Variants in LUZP1 observed in about 807,000 individuals in gnomAD.
LUZP1 encodes filamin mechanobinding actin cross-linking protein.
Under a neutral mutation model 71.3 loss-of-function variants are expected in LUZP1, and 25 were observed. The ratio of observed to expected loss-of-function variants is 0.35; its 90% CI spans 0.26 to 0.49. The LOEUF (loss-of-function observed/expected upper bound fraction) is 0.49. Among genes scored for constraint, LUZP1 ranks in the 20% least tolerant of loss-of-function variants. The pLI is 0.99. For synonymous variants in LUZP1, 481 were observed against 506.4 expected, an observed-to-expected ratio of 0.95 and a Z score of 0.67; for missense variants, 1,142 against 1,300.8, an observed-to-expected ratio of 0.88 and a Z score of 1.88.
chr1:23,121,572 T>C (rs1007629898), intron 2 of LUZP1, among the ~76,000 whole-genome samples: 3 of 151,736 alleles, frequency 2.0e-5, no homozygotes, highest in South Asian at 2.1e-4. Context: ...AAAACAAAAT[T>C]AGTCAGGCGT....
At chr1:23,162,477 T>C (rs1005754301) in intron 2 of LUZP1, among the ~76,000 whole-genome samples, 10 of 151,758 alleles carry the variant, frequency 6.6e-5, no homozygotes, top group African/African-American at 2.2e-4. Context: ...CTCGCTCTGT[T>C]GCCCAGGCTG....
At chr1:23,145,470 T>C (rs963563681) in intron 2 of LUZP1, among the ~76,000 whole-genome samples, 46 of 144,456 alleles carry the variant, frequency 3.2e-4, no homozygotes, top group Admixed American at 2.8e-3. Context: ...ATTAATCTCT[T>C]TTTTTTTTTT....
intron 2 of LUZP1, among the ~76,000 whole-genome samples, chr1:23,146,099 C>T (rs190782826): frequency 6.2e-4 from 95 of 152,170 alleles, no homozygotes; most frequent in Middle Eastern, 3.4e-3. Context: ...GGTGCGATCT[C>T]GGCTCACTGC....
At position 23,093,385 on chromosome 1, in the gene LUZP1, G is replaced by C; in HGVS notation, c.877C>G (p.Gln293Glu). ...TGTGTCTTAAGTTTCTCAATCTCTT[G>C]GTTAAGGTCTTTGACTTTGTTGTCT... The change falls in exon 4 of 5, where the codon CAA (glutamine) becomes GAA (glutamate). Residue 293 changes from glutamine to glutamate, a missense_variant. By Grantham distance (29) the Gln-to-Glu change is conservative. Transcript: ENST00000302291. The surrounding 1 kb of genome is among the most constrained non-coding windows in gnomAD (Gnocchi z 4.2). The C allele has an allele frequency of 6.2e-7, 1 of 1,613,700 alleles. No individual in the cohort carries two copies. Among genetic ancestry groups the C allele is most frequent in the South Asian group, 1.1e-5 (1 of 90,912 alleles).
chr1:23,107,170 C>T (rs781764580), intron 3 of LUZP1, among the ~76,000 whole-genome samples: 62 of 152,182 alleles, frequency 4.1e-4, no homozygotes, highest in Admixed American at 4.6e-4. Context: ...TAGATCTTAG[C>T]TTAAAATATC....
At chr1:23,164,271 G>A (rs1006612948) in intron 2 of LUZP1, among the ~76,000 whole-genome samples, 2 of 152,126 alleles carry the variant, frequency 1.3e-5, no homozygotes, top group African/African-American at 4.8e-5. Context: ...CGAAGCGGGC[G>A]GATCACGAGG....
intron 2 of LUZP1, chr1:23,140,856 G>T (rs1286539448): frequency 6.6e-6 from 1 of 152,316 alleles, no homozygotes; most frequent in Non-Finnish European, 1.5e-5. Flanking sequence ...GGCCATGATG[G>T]AGCTCAGACC....
chr1:23,127,329 C>T (rs1644179753), intron 2 of LUZP1, among the ~76,000 whole-genome samples: 1 of 152,146 alleles, frequency 6.6e-6, no homozygotes, highest in African/African-American at 2.4e-5. Context: ...ACTTTAAATT[C>T]TTGGTTTTTT....
rs376849961 is a variant in LUZP1, at chr1:23,084,720, G to C, written c.*4175C>G. On this transcript the variant is annotated 3_prime_UTR_variant, in exon 5 of 5. Coordinates refer to ENST00000302291, the Ensembl canonical transcript of LUZP1. ...GGTGATCTGACTGGAAGATGAAAAC[G>C]GAGAAGGCTTTTCCCCCCCTAGTCT... The C allele has an allele frequency of 9.4e-5, 7 of 74,814 alleles. 1 individual carries two copies. Among genetic ancestry groups the C allele is most frequent in the African/African-American group, 2.0e-4 (5 of 25,366 alleles). The allele number at this position is 74,814 out of a possible 1,614,324, so 4.6% of individuals were successfully genotyped here. A position where few individuals can be genotyped will look rare whatever the true frequency, so the allele number is the denominator to read the frequency against.
intron 1 of LUZP1, among the ~76,000 whole-genome samples, chr1:23,176,718 G>A (rs947496261): frequency 1.3e-5 from 2 of 152,168 alleles, no homozygotes; most frequent in African/African-American, 4.8e-5. Context: ...TCAAGATCCA[G>A]TAGAAAGATC....
At chr1:23,100,448 C>G (rs908782653) in intron 3 of LUZP1, among the ~76,000 whole-genome samples, 2 of 152,180 alleles carry the variant, frequency 1.3e-5, no homozygotes, top group Non-Finnish European at 2.9e-5. Context: ...ATTCTCTCCC[C>G]CTGACCTGCT....
chr1:23,116,462 A>G (rs1644079799), intron 2 of LUZP1, among the ~76,000 whole-genome samples: 1 of 152,102 alleles, frequency 6.6e-6, no homozygotes, highest in Non-Finnish European at 1.5e-5. Context: ...TCAAGGTTAC[A>G]GTAAACTATG....
At chr1:23,091,611 G>A (rs200873130) in exon 4 of LUZP1, 48 of 1,614,130 alleles carry the variant, frequency 3.0e-5, no homozygotes, top group East Asian at 4.5e-5. Context: ...CACAGGATCC[G>A]ATGGCTTGAT....
At chr1:23,118,806 A>C (rs1420026463) in intron 2 of LUZP1, among the ~76,000 whole-genome samples, 2 of 152,150 alleles carry the variant, frequency 1.3e-5, no homozygotes, top group Non-Finnish European at 2.9e-5. Flanking sequence ...GATTTTTGCA[A>C]GGTTCCTCAA....
At chr1:23,110,773 T>G (rs943893201) in intron 2 of LUZP1, among the ~76,000 whole-genome samples, 3 of 152,050 alleles carry the variant, frequency 2.0e-5, no homozygotes, top group Admixed American at 6.5e-5. Flanking sequence ...CAGTAGTAAC[T>G]CAAGCCTCAA....
At chr1:23,090,908 C>G (rs1354588225) in intron 4 of LUZP1, 2 of 718,106 alleles carry the variant, frequency 2.8e-6, no homozygotes, top group Non-Finnish European at 5.2e-6. Context: ...TCTGGCAAAC[C>G]AAGGGAAGAG....
At chr1:23,092,446 G>A (rs1364705901) in exon 4 of LUZP1, 10 of 1,614,056 alleles carry the variant, frequency 6.2e-6, no homozygotes, top group Non-Finnish European at 8.5e-6. Flanking sequence ...CAGCTATAAG[G>A]ATACTTCGAT....
At chr1:23,173,045 A>G (rs1343213380) in intron 1 of LUZP1, among the ~76,000 whole-genome samples, 1 of 149,856 alleles carries the variant, frequency 6.7e-6, no homozygotes, top group East Asian at 2.0e-4. Flanking sequence ...CTGGTCTCGA[A>G]CTCCTGACCT....
chr1:23,131,560 T>A (rs1012628357), intron 2 of LUZP1, among the ~76,000 whole-genome samples: 3 of 152,226 alleles, frequency 2.0e-5, no homozygotes, highest in Non-Finnish European at 4.4e-5. Flanking sequence ...TACTAGCTGG[T>A]ATGCAGAAGG....
Sources: gnomAD v4.1 joint callset for allele counts (sites outside exome capture counted in the v4.1 genomes callset) on GRCh38, gnomAD v4.1.1 for gene constraint, Gnocchi (gnomAD v3.1) non-coding constraint, MANE v1.5 for transcripts, NCBI Gene and HGNC (gene_info 2026-07-23, HGNC 2026-07-21) for gene names.